The following FGF18 variants were observed in gnomAD, a reference collection of about 807,000 sequenced individuals.
The protein encoded by FGF18 is fibroblast growth factor 18.
In FGF18, 5 loss-of-function variants were observed where a neutral mutation model predicts 23.0. The ratio of observed to expected loss-of-function variants is 0.22; its 90% confidence interval spans 0.11 to 0.46. FGF18 has a LOEUF of 0.46. Ranked by LOEUF, FGF18 falls within the 20% of genes least tolerant of loss-of-function variation. FGF18 has a pLI of 0.99. For missense variants in FGF18, 180 were observed against 291.6 expected (o/e 0.62, Z 2.79); for synonymous variants, 117 against 118.9 (o/e 0.98, Z 0.10).
At chr5:171,455,857 G>T (rs1425626844) in intron 4 of FGF18, among the ~76,000 whole-genome samples, 1 of 152,180 alleles carries the variant, frequency 6.6e-6, no homozygotes, top group Non-Finnish European at 1.5e-5. Context: ...GAGCCATTGG[G>T]CTATCTGGGT....
intron 3 of FGF18, among the ~76,000 whole-genome samples, chr5:171,447,108 A>G (rs768075786): frequency 6.6e-6 from 1 of 152,208 alleles, no homozygotes; most frequent in East Asian, 1.9e-4. Flanking sequence ...TCACAGCATC[A>G]TTTTGTATAA....
intron 2 of FGF18, among the ~76,000 whole-genome samples, chr5:171,422,543 C>T (rs576190811): frequency 2.6e-5 from 4 of 152,298 alleles, no homozygotes; most frequent in East Asian, 3.9e-4. Context: ...TTCAAAACAT[C>T]TATGACCCCT....
chr5:171,433,745 G>A (rs778001571), intron 2 of FGF18, among the ~76,000 whole-genome samples: 1 of 152,192 alleles, frequency 6.6e-6, no homozygotes, highest in African/African-American at 2.4e-5. Flanking sequence ...GGGCCTTAGT[G>A]TCTCCATCCA....
intron 2 of FGF18, among the ~76,000 whole-genome samples, chr5:171,431,707 A>G (rs1772184091): frequency 6.6e-6 from 1 of 152,168 alleles, no homozygotes; most frequent in Non-Finnish European, 1.5e-5. Flanking sequence ...TGGAGTGACA[A>G]AAGGCACCTT....
At chr5:171,433,300 G>A (rs1035007911) in intron 2 of FGF18, among the ~76,000 whole-genome samples, 12 of 152,200 alleles carry the variant, frequency 7.9e-5, no homozygotes, top group African/African-American at 2.9e-4. Flanking sequence ...ATGGGAGGCC[G>A]GCTTCTGGGG....
chr5:171,428,042 T>A (rs1248258258), intron 2 of FGF18, among the ~76,000 whole-genome samples: 1 of 152,212 alleles, frequency 6.6e-6, no homozygotes, highest in African/African-American at 2.4e-5. Flanking sequence ...GGGAGGCACT[T>A]GGCATAGCGC....
At chr5:171,428,158 A>G (rs1279452341) in intron 2 of FGF18, among the ~76,000 whole-genome samples, 1 of 152,128 alleles carries the variant, frequency 6.6e-6, no homozygotes, top group Non-Finnish European at 1.5e-5. Context: ...CTGGAAGTCA[A>G]AGGGAGGTCT....
chr5:171,456,661 G>T lies in FGF18; in HGVS notation c.480G>T (p.Arg160=). 1 of 1,614,050 alleles carries T rather than the reference G, an allele frequency of 6.2e-7. No homozygotes were observed. Among genetic ancestry groups the T allele is most frequent in the Non-Finnish European group, 8.5e-7 (1 of 1,180,018 alleles). ...YVGFTKKGRP[R]KGPKTRENQQ... ...GCTTCACCAAGAAGGGGCGGCCGCGGAAGGGCCCCAAGACCCGGGAGAACC... is the reference window on the plus strand; with the variant it reads ...GCTTCACCAAGAAGGGGCGGCCGCGTAAGGGCCCCAAGACCCGGGAGAACC... The change falls in exon 5 of 5, where the codon CGG becomes CGT. Residue 160 remains arginine (R), a synonymous_variant. Coordinates refer to ENST00000274625, the MANE Select transcript of FGF18 (RefSeq NM_003862.3). This position sits in a 1 kb window ranked among gnomAD's most constrained non-coding sequence, Gnocchi z 6.1.
chr5:171,424,021 TCC>T (rs1772058194), intron 2 of FGF18, among the ~76,000 whole-genome samples: 1 of 152,166 alleles, frequency 6.6e-6, no homozygotes, highest in African/African-American at 2.4e-5. Flanking sequence ...TGCCTTGGCC[TCC>T]CAAAGTGCTG....
rs368764867 is a variant in FGF18, at chr5:171,448,982, G to A, written c.251-165G>A. 4.2e-4 allele frequency among the ~76,000 whole-genome samples: 64 copies of A among 152,206 alleles called. 2 individuals carry two copies. In the South Asian group the frequency reaches 0.013, roughly 31 times the overall value. ...ACAGCTACTTCTCTGACTTCTCTGT[G>A]GTTATTTAGGCATCTGTCCTGTGGG... On this transcript the variant is annotated intron_variant, in intron 3 of 4. Coordinates refer to ENST00000274625, the MANE Select transcript of FGF18 (RefSeq NM_003862.3).
intron 2 of FGF18, among the ~76,000 whole-genome samples, chr5:171,435,588 G>A (rs957241580): frequency 1.7e-4 from 26 of 152,106 alleles, no homozygotes; most frequent in African/African-American, 5.1e-4. Flanking sequence ...AAGTCACAGC[G>A]GACTTGGCCT....
intron 2 of FGF18, among the ~76,000 whole-genome samples, chr5:171,425,575 G>C (rs951255249): frequency 2.9e-5 from 4 of 135,932 alleles, no homozygotes; most frequent in African/African-American, 1.1e-4. Flanking sequence ...CTGTTGCCCA[G>C]GCTGGAGTGC....
At chr5:171,441,246 G>A (rs1013354983) in intron 3 of FGF18, among the ~76,000 whole-genome samples, 3 of 152,094 alleles carry the variant, frequency 2.0e-5, no homozygotes, top group Non-Finnish European at 2.9e-5. Context: ...AGCCCCCACG[G>A]TCCATTTTCC....
chr5:171,452,412 G>C (rs950871407), intron 4 of FGF18, among the ~76,000 whole-genome samples: 1 of 152,142 alleles, frequency 6.6e-6, no homozygotes, highest in African/African-American at 2.4e-5. Flanking sequence ...TACCTGCATT[G>C]AGCCCTTGAC....
At chr5:171,439,294 G>C (rs1407475818) in intron 3 of FGF18, among the ~76,000 whole-genome samples, 2 of 152,198 alleles carry the variant, frequency 1.3e-5, no homozygotes, top group Admixed American at 1.3e-4. Flanking sequence ...AGCTCTCCCA[G>C]TACTGAAAAG....
At position 171,436,018 on chromosome 5, in the gene FGF18, T is replaced by A. The variant is rs556595128; in HGVS notation, c.70-75T>A. On this transcript the variant is annotated intron_variant, in intron 2 of 4. Transcript: ENST00000274625. The surrounding 1 kb of genome is among the most constrained non-coding windows in gnomAD (Gnocchi z 4.4). ...GTAGAGAAGCCCTTGGTCTTTGTGG[T>A]GGACGTGGCTGGCTCCTGCATGCAG... 3.2e-6 allele frequency: 4 copies of A among 1,258,394 alleles called. No individual in the cohort carries two copies. The East Asian group carries it at 1.1e-4, about 36-fold the overall frequency. 78.0% of individuals were successfully genotyped at this position (1,258,394 alleles called of 1,614,324 possible).
At chr5:171,421,614 C>T (rs1479092416) in intron 2 of FGF18, among the ~76,000 whole-genome samples, 4 of 152,130 alleles carry the variant, frequency 2.6e-5, no homozygotes, top group South Asian at 4.1e-4. Flanking sequence ...TTGAGCACTG[C>T]GCGACTCAAC....
intron 1 of FGF18, 31 bp downstream of exon 1, chr5:171,420,262 T>A (rs1458489263): frequency 6.3e-7 from 1 of 1,597,414 alleles, no homozygotes. Context: ...CTGCCCACCT[T>A]GCCTGGCTGT....
At chr5:171,435,630 CCTT>C (rs896057511) in intron 2 of FGF18, among the ~76,000 whole-genome samples, 2 of 152,034 alleles carry the variant, frequency 1.3e-5, no homozygotes, top group African/African-American at 4.8e-5. Context: ...TTCCAGGCCT[CCTT>C]CTTTCCCCAT....
Sources: allele counts gnomAD v4.1 joint callset (sites outside exome capture counted in the v4.1 genomes callset), GRCh38; gene constraint gnomAD v4.1.1; non-coding constraint Gnocchi (gnomAD v3.1); transcripts MANE v1.5; gene names NCBI Gene and HGNC (gene_info 2026-07-23, HGNC 2026-07-21).